ZFAT: variants seen among roughly 807,000 people sequenced by gnomAD.
ZFAT encodes the protein zinc finger and AT-hook domain containing.
A neutral mutation model predicts 117.7 loss-of-function variants in ZFAT; 64 were observed. The ratio of observed to expected loss-of-function variants is 0.54; its 90% CI spans 0.44 to 0.67. ZFAT has a LOEUF of 0.67. Ranked by LOEUF, ZFAT falls within the 30% of genes least tolerant of loss-of-function variation. The pLI is 0.00. For missense variants in ZFAT, 1,433 were observed against 1,584.5 expected (o/e 0.90, Z 1.62); for synonymous variants, 679 against 615.0 (o/e 1.10, Z -1.54).
chr8:134,772,730 A>T, the ZFAT span, among the ~76,000 whole-genome samples: 3 of 152,308 alleles, frequency 2.0e-5, no homozygotes, highest in Admixed American at 2.0e-4. Context: ...TGCTATCTGG[A>T]ACTTTAATAA....
At chr8:134,811,679 G>A in the ZFAT span, among the ~76,000 whole-genome samples, 1 of 152,122 alleles carries the variant, frequency 6.6e-6, no homozygotes, top group Non-Finnish European at 1.5e-5. Context: ...CAACCCTAGA[G>A]CACCCATTCT....
chr8:134,707,996 G>A (rs1399854861), intron 1 of ZFAT, among the ~76,000 whole-genome samples: 1 of 151,540 alleles, frequency 6.6e-6, no homozygotes, highest in African/African-American at 2.4e-5. Context: ...ATACACAACG[G>A]AATATTATTC....
At chr8:134,514,625 T>C (rs1335468253) in intron 13 of ZFAT, among the ~76,000 whole-genome samples, 1 of 152,128 alleles carries the variant, frequency 6.6e-6, no homozygotes, top group Non-Finnish European at 1.5e-5. Context: ...GGTTAAAAAA[T>C]GGCTCAAGGG....
In ZFAT at chr8:134,500,863, T is replaced by C. The variant is rs189049894; in HGVS notation, c.3492+8756A>G. ...CCATTCCGCAACAACAGAAAGAACA[T>C]TATATAAGGAATGCCAAGTATGAGA... is the stretch of plus-strand genomic sequence containing the variant. On this transcript the variant is annotated intron_variant, in intron 15 of 15. Coordinates refer to ENST00000377838, the MANE Select transcript of ZFAT (RefSeq NM_020863.4). Among the ~76,000 whole-genome samples the C allele has an allele frequency of 1.1e-3, 169 of 152,256 alleles. 2 individuals carry two copies. The highest frequency in any genetic ancestry group is 4.1e-4 in the South Asian group (2 of 4,822).
chr8:134,596,467 A>G (rs1394105945), intron 7 of ZFAT, among the ~76,000 whole-genome samples: 2 of 152,196 alleles, frequency 1.3e-5, no homozygotes, highest in Non-Finnish European at 2.9e-5. Context: ...TTTTTCTTAG[A>G]TGCTTCAGAA....
chr8:134,725,449 A>G, the ZFAT span, among the ~76,000 whole-genome samples: 197 of 152,264 alleles, frequency 1.3e-3, 5 homozygotes, highest in East Asian at 0.035. Context: ...GAATGGGCAC[A>G]TATTACATGG....
At chr8:134,577,024 C>G (rs1449089308) in intron 10 of ZFAT, among the ~76,000 whole-genome samples, 1 of 152,180 alleles carries the variant, frequency 6.6e-6, no homozygotes, top group South Asian at 2.1e-4. Flanking sequence ...ACAGCTTAAC[C>G]TTCCCCATCT....
At chr8:134,569,799 G>A (rs541262027) in intron 10 of ZFAT, among the ~76,000 whole-genome samples, 4 of 152,264 alleles carry the variant, frequency 2.6e-5, no homozygotes, top group Non-Finnish European at 5.9e-5. Context: ...CACTCCCTGA[G>A]ACAATCCAAA....
At chr8:134,658,481 G>A (rs1367374952) in intron 1 of ZFAT, among the ~76,000 whole-genome samples, 2 of 152,228 alleles carry the variant, frequency 1.3e-5, no homozygotes, top group African/African-American at 4.8e-5. Context: ...TTTCTCAACA[G>A]CCCAGCACCT....
At chr8:134,807,876 T>A in the ZFAT span, among the ~76,000 whole-genome samples, 15 of 152,248 alleles carry the variant, frequency 9.9e-5, no homozygotes, top group South Asian at 2.9e-3. Context: ...AAACTTAATC[T>A]ACTTGAAAAA....
intron 1 of ZFAT, among the ~76,000 whole-genome samples, chr8:134,703,529 T>C (rs1228840602): frequency 6.6e-6 from 1 of 152,182 alleles, no homozygotes; most frequent in Non-Finnish European, 1.5e-5. Context: ...ACTTCAGAGA[T>C]GTTCATGGCC....
chr8:134,802,560 T>C, the ZFAT span, among the ~76,000 whole-genome samples: 43 of 152,222 alleles, frequency 2.8e-4, 1 homozygote, highest in African/African-American at 8.7e-4. Flanking sequence ...AAGCATCTAA[T>C]TTGAAATAAA....
chr8:134,623,381 C>G (rs1436806493), intron 3 of ZFAT, among the ~76,000 whole-genome samples: 2 of 152,198 alleles, frequency 1.3e-5, no homozygotes, highest in Non-Finnish European at 1.5e-5. Context: ...TCTACTCATG[C>G]CCCTCCTCCA....
Position 134,602,082 on chromosome 8 carries a change from C to T in ZFAT, c.1637G>A (p.Arg546Gln), listed in dbSNP as rs1327460551. 20 of 1,611,302 alleles carry T rather than the reference C, an allele frequency of 1.2e-5. No individual in the cohort carries two copies. The Middle Eastern group carries it at 4.9e-4, about 40-fold the overall frequency. The stretch of plus-strand genomic sequence containing the variant: ...TTCCCCAGGGGCCTCCGGCTCCTTC[C>T]GGCCCTCCTCCAGCTGAGTGTCCCC... ...CPGDTQLEEGRKEPEAPGEMP... is the reference protein window; with the variant it reads ...CPGDTQLEEGQKEPEAPGEMP... The change falls in exon 6 of 16, where the codon CGG (arginine) becomes CAG (glutamine). Residue 546 changes from arginine to glutamine, a missense_variant. Arg to Gln is a conservative substitution (Grantham distance 43). Coordinates refer to ENST00000377838, the MANE Select transcript of ZFAT (RefSeq NM_020863.4).
At chr8:134,754,096 A>T in the ZFAT span, among the ~76,000 whole-genome samples, 4 of 152,208 alleles carry the variant, frequency 2.6e-5, no homozygotes, top group African/African-American at 9.6e-5. Context: ...AACAATGGTG[A>T]CTGGGGAAGC....
In ZFAT at chr8:134,661,405, GC is replaced by G. The variant is rs1831921669; in HGVS notation, c.20-3669del. Among the ~76,000 whole-genome samples, 5 of 152,342 alleles carry G rather than the reference GC, an allele frequency of 3.3e-5. No individual in the cohort carries two copies. In the South Asian group the frequency reaches 1.0e-3, roughly 32 times the overall value. ...AGGCAAGGAGAAACTGTCTGAAGGG[GC>G]TGGCCCTGAAGGAGAGGCCCCACGT... On this transcript the variant is annotated intron_variant, in intron 1 of 15. Transcript: ENST00000377838.
the ZFAT span, among the ~76,000 whole-genome samples, chr8:134,737,264 G>A: frequency 6.6e-6 from 1 of 151,272 alleles, no homozygotes; most frequent in Non-Finnish European, 1.5e-5. Flanking sequence ...TGGGCAACAA[G>A]AGCAAAACTC....
At chr8:134,782,332 CA>C in the ZFAT span, among the ~76,000 whole-genome samples, 3 of 152,096 alleles carry the variant, frequency 2.0e-5, no homozygotes, top group Non-Finnish European at 4.4e-5. Context: ...CTTTATATTT[CA>C]AAGATCAAAT....
At chr8:134,631,446 A>C (rs1467866256) in intron 3 of ZFAT, among the ~76,000 whole-genome samples, 1 of 152,240 alleles carries the variant, frequency 6.6e-6, no homozygotes, top group Non-Finnish European at 1.5e-5. Flanking sequence ...CACGGGCCCC[A>C]ACCAGCCCCA....
Sources: allele counts gnomAD v4.1 joint callset (sites outside exome capture counted in the v4.1 genomes callset), GRCh38; gene constraint gnomAD v4.1.1; transcripts MANE v1.5; gene names NCBI Gene and HGNC (gene_info 2026-07-23, HGNC 2026-07-21).